Variants in UHRF2 observed in about 807,000 individuals in gnomAD.
UHRF2 encodes ubiquitin like with PHD and ring finger domains 2, also known as E3 ubiquitin-protein ligase UHRF2.
UHRF2 carries 23 observed loss-of-function variants against 96.8 expected under a neutral mutation model. The ratio of observed to expected loss-of-function variants is 0.24; its 90% CI spans 0.17 to 0.34. The LOEUF (loss-of-function observed/expected upper bound fraction) is 0.34, where lower values mean the gene tolerates loss of function less well. UHRF2 is among the 10% of genes least tolerant of loss of function. The pLI is 1.00. For missense variants in UHRF2, 685 were observed against 981.5 expected (o/e 0.70, Z 4.04); for synonymous variants, 385 against 332.6 (o/e 1.16, Z -1.72).
At position 6,433,983 on chromosome 9, in the gene UHRF2, A is replaced by T; in HGVS notation, c.454A>T (p.Thr152Ser). The change falls in exon 3 of 16, where the codon ACT (threonine) becomes TCT (serine). Residue 152 changes from threonine to serine, a missense_variant. Thr to Ser is a moderately conservative substitution (Grantham distance 58). This residue lies in a region of UHRF2 where 391 missense variants were observed against 437.0 expected (regional missense o/e 0.89). Transcript: ENST00000276893. ...AWFEAHIHSV[T>S]RASDGQSRGK... Reference sequence around the variant, plus strand: ...GTTTGAAGCACACATACATAGTGTTACTAGAGCTTCTGATGGACAGTCACG... The same window carrying T: ...GTTTGAAGCACACATACATAGTGTTTCTAGAGCTTCTGATGGACAGTCACG... 3 of 1,614,122 alleles carry T rather than the reference A, an allele frequency of 1.9e-6. No homozygotes were observed. The highest frequency in any genetic ancestry group is 2.5e-6 in the Non-Finnish European group (3 of 1,180,032).
chr9:6,480,596 C>G (rs1158306743), intron 6 of UHRF2, among the ~76,000 whole-genome samples: 1 of 152,168 alleles, frequency 6.6e-6, no homozygotes, highest in Non-Finnish European at 1.5e-5. Flanking sequence ...GGATATTTAA[C>G]CTGTGCACTA....
At chr9:6,447,362 C>G (rs1327152246) in intron 3 of UHRF2, among the ~76,000 whole-genome samples, 1 of 152,158 alleles carries the variant, frequency 6.6e-6, no homozygotes, top group Non-Finnish European at 1.5e-5. Context: ...CTCCCAAACA[C>G]TCTATATTTT....
At chr9:6,428,621 C>G (rs1156689149) in intron 2 of UHRF2, among the ~76,000 whole-genome samples, 1 of 136,330 alleles carries the variant, frequency 7.3e-6, no homozygotes, top group Non-Finnish European at 1.5e-5. Flanking sequence ...ATGATCATAG[C>G]TTACTGCAGC....
At chr9:6,428,591 C>G (rs1820395277) in intron 2 of UHRF2, among the ~76,000 whole-genome samples, 2 of 104,326 alleles carry the variant, frequency 1.9e-5, no homozygotes, top group South Asian at 6.5e-4. Flanking sequence ...CATTCTGTCA[C>G]TTGGCTGGAG....
Position 6,413,425 on chromosome 9 carries a change from G to C in UHRF2, c.-66G>C. On this transcript the variant is annotated 5_prime_UTR_variant, in exon 1 of 16. Coordinates refer to ENST00000276893, the MANE Select transcript of UHRF2 (RefSeq NM_152896.3). ...AGCCGCAGGGAAAGCGGCGCGGGCCGGGCGGGGCGCGGCGCCCAGAGCTCA... is the reference window on the plus strand; with the variant it reads ...AGCCGCAGGGAAAGCGGCGCGGGCCCGGCGGGGCGCGGCGCCCAGAGCTCA... 7.6e-7 allele frequency: 1 copy of C among 1,309,582 alleles called. No homozygotes were observed. Among genetic ancestry groups the C allele is most frequent in the Non-Finnish European group, 9.8e-7 (1 of 1,016,940 alleles). 81.1% of individuals were successfully genotyped at this position (1,309,582 alleles called of 1,614,324 possible). A position where few individuals can be genotyped will look rare whatever the true frequency, so the allele number is the denominator to read the frequency against.
intron 4 of UHRF2, among the ~76,000 whole-genome samples, chr9:6,466,572 A>T (rs1166890148): frequency 8.2e-6 from 1 of 121,892 alleles, no homozygotes; most frequent in East Asian, 2.5e-4. Context: ...AAAAAAAAAA[A>T]GCTACAGATG....
At chr9:6,452,333 A>G (rs1050066763) in intron 3 of UHRF2, among the ~76,000 whole-genome samples, 3 of 152,238 alleles carry the variant, frequency 2.0e-5, no homozygotes, top group Non-Finnish European at 2.9e-5. Context: ...TCAGAAAGCA[A>G]ATGTATAGAC....
intron 10 of UHRF2, 171 bp from the exon 11 acceptor site, chr9:6,497,027 C>G (rs1271363654): frequency 3.1e-6 from 2 of 639,820 alleles, no homozygotes; most frequent in East Asian, 5.6e-5. Context: ...ACTGATTTGT[C>G]TTCTCTGCTG....
intron 4 of UHRF2, among the ~76,000 whole-genome samples, chr9:6,469,679 T>TCTATATATATACAC (rs1219610266): frequency 6.6e-6 from 1 of 151,004 alleles, no homozygotes; most frequent in African/African-American, 2.4e-5. Context: ...TGTGTGTGTA[T>TCTATATATATACAC]GTATATATAT....
chr9:6,462,487 TGAA>T (rs571581791), intron 4 of UHRF2, among the ~76,000 whole-genome samples: 47 of 152,220 alleles, frequency 3.1e-4, no homozygotes, highest in Non-Finnish European at 3.8e-4. Flanking sequence ...ATGCAAATCA[TGAA>T]GAAGGAGAAA....
At chr9:6,433,597 A>G (rs970962420) in intron 2 of UHRF2, among the ~76,000 whole-genome samples, 4 of 152,194 alleles carry the variant, frequency 2.6e-5, no homozygotes, top group Non-Finnish European at 5.9e-5. Flanking sequence ...TTCTTACTGG[A>G]TGACTTGCAA....
chr9:6,500,813 C>A, intron 14 of UHRF2, 104 bp downstream of exon 14: 2 of 1,134,338 alleles, frequency 1.8e-6, no homozygotes, highest in Non-Finnish European at 2.5e-6. Context: ...CTTCATCCTT[C>A]TACCCGGTTT....
intron 1 of UHRF2, among the ~76,000 whole-genome samples, chr9:6,416,651 T>G (rs1819619138): frequency 6.7e-6 from 1 of 150,288 alleles, no homozygotes; most frequent in African/African-American, 2.4e-5. Context: ...CACGCCATTC[T>G]GCCTCAGCCT....
At chr9:6,471,591 CTTT>C (rs1823243065) in intron 4 of UHRF2, among the ~76,000 whole-genome samples, 1 of 152,146 alleles carries the variant, frequency 6.6e-6, no homozygotes, top group African/African-American at 2.4e-5. Flanking sequence ...ATCCAGGCAG[CTTT>C]TTTATTTTCC....
intron 4 of UHRF2, among the ~76,000 whole-genome samples, chr9:6,471,943 T>G (rs1486226648): frequency 1.3e-5 from 2 of 152,214 alleles, no homozygotes; most frequent in Non-Finnish European, 2.9e-5. Flanking sequence ...CCAAAAGATT[T>G]CAGTAAGTAA....
At chr9:6,494,953 G>C (rs1261948256) in intron 10 of UHRF2, 3 of 152,168 alleles carry the variant, frequency 2.0e-5, no homozygotes, top group African/African-American at 7.2e-5. Flanking sequence ...GGTCAGATTT[G>C]CTGGTGAAAA....
intron 15 of UHRF2, 65 bp from the exon 16 acceptor site, chr9:6,505,968 T>G: frequency 1.3e-6 from 2 of 1,557,736 alleles, no homozygotes; most frequent in Non-Finnish European, 1.8e-6. Flanking sequence ...TTTAAAAGCA[T>G]AAGTTGCTGA....
At chr9:6,456,051 G>A (rs951947213) in intron 3 of UHRF2, among the ~76,000 whole-genome samples, 9 of 152,122 alleles carry the variant, frequency 5.9e-5, no homozygotes, top group Non-Finnish European at 1.2e-4. Context: ...GTCAGGTTAG[G>A]TTTGTAATAC....
At chr9:6,477,169 G>A (rs1823626112) in intron 5 of UHRF2, among the ~76,000 whole-genome samples, 1 of 152,024 alleles carries the variant, frequency 6.6e-6, no homozygotes, top group Non-Finnish European at 1.5e-5. Context: ...GGAGGCAGGG[G>A]CTGCAGTGAG....
Sources: allele counts gnomAD v4.1 joint callset (sites outside exome capture counted in the v4.1 genomes callset), GRCh38; gene constraint gnomAD v4.1.1; regional missense constraint gnomAD v4.1.1; transcripts MANE v1.5; gene names NCBI Gene and HGNC (gene_info 2026-07-23, HGNC 2026-07-21).